The following PRTG variants were observed in gnomAD, a reference collection of about 807,000 sequenced individuals.
The protein encoded by PRTG is immunoglobulin superfamily, DCC subclass, member 5.
Under a neutral mutation model 122.5 loss-of-function variants are expected in PRTG, and 67 were observed. That is an observed-to-expected ratio of 0.55 (90% CI 0.45 to 0.67). The LOEUF (loss-of-function observed/expected upper bound fraction) is 0.67. PRTG is among the 30% of genes least tolerant of loss of function. The probability of loss-of-function intolerance (pLI) is 0.00; values close to 1 mark genes in which losing one functional copy is unlikely to be tolerated. For synonymous variants in PRTG, 554 were observed against 501.1 expected (o/e 1.11, Z -1.41); for missense variants, 1,435 against 1,415.4 (o/e 1.01, Z -0.22).
intron 11 of PRTG, among the ~76,000 whole-genome samples, chr15:55,664,409 C>G (rs1345956889): frequency 6.6e-6 from 1 of 152,128 alleles, no homozygotes; most frequent in South Asian, 2.1e-4. Context: ...TCCCAAAGTG[C>G]TGGGATTACA....
At chr15:55,629,167 T>A (rs1388493287) in intron 15 of PRTG, among the ~76,000 whole-genome samples, 163 bp from the exon 16 acceptor site, 1 of 152,160 alleles carries the variant, frequency 6.6e-6, no homozygotes, top group Non-Finnish European at 1.5e-5. Flanking sequence ...AATTACAATC[T>A]TTCATTGTTA....
At chr15:55,685,020 A>C (rs2141820312) in intron 2 of PRTG, among the ~76,000 whole-genome samples, 1 of 152,210 alleles carries the variant, frequency 6.6e-6, no homozygotes, top group African/African-American at 2.4e-5. Flanking sequence ...AGGGAGTGTA[A>C]ATTCCAGGTT....
chr15:55,666,261 T>A (rs1294336426), intron 11 of PRTG, among the ~76,000 whole-genome samples: 1 of 152,222 alleles, frequency 6.6e-6, no homozygotes, highest in African/African-American at 2.4e-5. Flanking sequence ...GCATTTCTTC[T>A]TCTTCTTATA....
chr15:55,719,684 TA>T (rs2030735849), intron 2 of PRTG, among the ~76,000 whole-genome samples: 1 of 152,244 alleles, frequency 6.6e-6, no homozygotes, highest in South Asian at 2.1e-4. Flanking sequence ...ATTTCTAGTT[TA>T]AAAATTAGAA....
At chr15:55,631,261 T>C (rs183409615) in intron 15 of PRTG, among the ~76,000 whole-genome samples, 1 of 152,202 alleles carries the variant, frequency 6.6e-6, no homozygotes, top group African/African-American at 2.4e-5. Flanking sequence ...TATTGTGACA[T>C]GTTACACTTA....
At chr15:55,702,158 A>C (rs1321853671) in intron 2 of PRTG, among the ~76,000 whole-genome samples, 1 of 152,208 alleles carries the variant, frequency 6.6e-6, no homozygotes, top group Non-Finnish European at 1.5e-5. Context: ...TTTTCTAGCC[A>C]GTGTTAAAGA....
intron 4 of PRTG, 116 bp downstream of exon 4, chr15:55,682,248 A>T: frequency 4.5e-6 from 4 of 886,268 alleles, no homozygotes; most frequent in Middle Eastern, 3.9e-4. Flanking sequence ...TTCCAAATAG[A>T]TTATAATAAT....
intron 15 of PRTG, among the ~76,000 whole-genome samples, chr15:55,631,369 G>A (rs1463656804): frequency 1.3e-5 from 2 of 152,004 alleles, no homozygotes; most frequent in Non-Finnish European, 2.9e-5. Flanking sequence ...AAAGTACTTG[G>A]CAAAAACTAA....
Position 55,742,908 on chromosome 15 carries a change from G to A in PRTG, c.24C>T (p.Leu8=). MAPPLRP[L]ARLRPPGMLL... Reference sequence around the variant, plus strand: ...GCATCCCCGGCGGTCGCAGCCGGGCGAGGGGTCGCAGAGGAGGCGCCATTC... The same window carrying A: ...GCATCCCCGGCGGTCGCAGCCGGGCAAGGGGTCGCAGAGGAGGCGCCATTC... The change falls in exon 1 of 20, where the codon CTC becomes CTT. Residue 8 remains leucine, a synonymous_variant. Coordinates refer to ENST00000389286, the MANE Select transcript of PRTG (RefSeq NM_173814.6). 6.5e-7 allele frequency: 1 copy of A among 1,528,542 alleles called. No individual in the cohort carries two copies. Among genetic ancestry groups the A allele is most frequent in the Admixed American group, 2.0e-5 (1 of 49,892 alleles). The allele number at this position is 1,528,542 out of a possible 1,614,324, so 94.7% of individuals were successfully genotyped here.
At chr15:55,692,548 A>T (rs1247366890) in intron 2 of PRTG, among the ~76,000 whole-genome samples, 1 of 152,194 alleles carries the variant, frequency 6.6e-6, no homozygotes, top group Non-Finnish European at 1.5e-5. Flanking sequence ...CCAAACTCTC[A>T]TTTGATCAGA....
chr15:55,653,840 AGTTAT>A (rs1186483138), intron 11 of PRTG, among the ~76,000 whole-genome samples: 2 of 152,212 alleles, frequency 1.3e-5, no homozygotes, highest in South Asian at 2.1e-4. Flanking sequence ...AGGCTTTCCC[AGTTAT>A]GTTGTGTTCA....
rs1290513774 is a variant in PRTG at position 55,673,491 on chromosome 15, A to G, written c.1732T>C (p.Leu578=). The stretch of plus-strand genomic sequence containing the variant: ...ACACTGTCAGGTTTCAGGCCTTCCA[A>G]AAGGTACTCATGCGTGGTCCCCGGG... ...ELPGTTHEYL[L]EGLKPDSVYL... is the part of the protein sequence containing the mutation. The change falls in exon 10 of 20, where the codon TTG becomes CTG. Residue 578 remains leucine (L), a synonymous_variant. Coordinates refer to ENST00000389286, the MANE Select transcript of PRTG (RefSeq NM_173814.6). 2 of 1,614,052 alleles carry G rather than the reference A, an allele frequency of 1.2e-6. No individual in the cohort carries two copies. The highest frequency in any genetic ancestry group is 1.1e-5 in the South Asian group (1 of 91,078).
At chr15:55,629,371 ATATATGTG>A (rs1192623741) in intron 15 of PRTG, among the ~76,000 whole-genome samples, 608 of 35,182 alleles carry the variant, frequency 0.017, 1 homozygote, top group Middle Eastern at 0.03. Flanking sequence ...ATATATATAT[ATATATGTG>A]TGTGTGTGTG....
rs2059125858 is a variant in PRTG, at chr15:55,612,708, A to ATATATATATATATG, written c.*7303_*7304insCATATATATATATA. On this transcript the variant is annotated 3_prime_UTR_variant, in exon 20 of 20. Coordinates refer to ENST00000389286, the MANE Select transcript of PRTG (RefSeq NM_173814.6). ...ACTCTTTAAAAGCCAATATATATAT[A>ATATATATATATATG]TATATATATATATATATATATATAT... 1 of 9,408 alleles carries ATATATATATATATG rather than the reference A, an allele frequency of 1.1e-4. No individual in the cohort carries two copies. The highest frequency in any genetic ancestry group is 1.4e-4 in the African/African-American group (1 of 7,282). The allele number at this position is 9,408 out of a possible 1,614,324, so 0.6% of individuals were successfully genotyped here. A position where few individuals can be genotyped will look rare whatever the true frequency, so the allele number is the denominator to read the frequency against.
intron 11 of PRTG, among the ~76,000 whole-genome samples, chr15:55,647,082 C>T (rs1411199680): frequency 6.6e-6 from 1 of 152,064 alleles, no homozygotes; most frequent in Non-Finnish European, 1.5e-5. Context: ...TCACTTGAGA[C>T]CAGCTTGGCC....
At position 55,616,427 on chromosome 15, in the gene PRTG, G is replaced by C. The variant is rs1298527845; in HGVS notation, c.*3585C>G. On this transcript the variant is annotated 3_prime_UTR_variant, in exon 20 of 20. Coordinates refer to ENST00000389286, the MANE Select transcript of PRTG (RefSeq NM_173814.6). ...AACCAGGTAATGCTTAAAGCAGGAA[G>C]AGAACTATACAGGCTAATTCAGAGG... 1 of 152,138 alleles carries C rather than the reference G, an allele frequency of 6.6e-6. No individual in the cohort carries two copies. The highest frequency in any genetic ancestry group is 1.5e-5 in the Non-Finnish European group (1 of 67,980). 9.4% of individuals were successfully genotyped at this position (152,138 alleles called of 1,614,324 possible).
At chr15:55,701,909 T>C (rs1428372186) in intron 2 of PRTG, among the ~76,000 whole-genome samples, 1 of 152,162 alleles carries the variant, frequency 6.6e-6, no homozygotes. Flanking sequence ...GCAAAATATA[T>C]GGGCTGCTAG....
In PRTG at chr15:55,619,957, G is replaced by A; in HGVS notation, c.*55C>T. 2 of 1,601,686 alleles carry A rather than the reference G, an allele frequency of 1.2e-6. No individual in the cohort carries two copies. The highest frequency in any genetic ancestry group is 1.8e-4 in the Middle Eastern group (1 of 5,470). On this transcript the variant is annotated 3_prime_UTR_variant, in exon 20 of 20. Coordinates refer to ENST00000389286, the MANE Select transcript of PRTG (RefSeq NM_173814.6). ...GCTCACTAACAGATGACACAGCAGG[G>A]TCTTCACACTTCCTCAATGCGGAAT...
chr15:55,642,408 G>A (rs2059297066), intron 11 of PRTG, among the ~76,000 whole-genome samples: 1 of 151,808 alleles, frequency 6.6e-6, no homozygotes, highest in Non-Finnish European at 1.5e-5. Flanking sequence ...CCCGAGGTCG[G>A]GAGTTCGAGA....
Sources: gnomAD v4.1 joint callset for allele counts (sites outside exome capture counted in the v4.1 genomes callset) on GRCh38, gnomAD v4.1.1 for gene constraint, MANE v1.5 for transcripts, NCBI Gene and HGNC (gene_info 2026-07-23, HGNC 2026-07-21) for gene names.